Variants in UNC13C observed in about 807,000 individuals in gnomAD.
The protein encoded by UNC13C is protein unc-13 homolog C.
Under a neutral mutation model 245.4 loss-of-function variants are expected in UNC13C, and 174 were observed. That is an observed-to-expected ratio of 0.71 (90% CI 0.63 to 0.80). The LOEUF (loss-of-function observed/expected upper bound fraction) is 0.80. Among genes scored for constraint, UNC13C ranks in the 30% least tolerant of loss-of-function variants. The pLI is 0.00. For synonymous variants in UNC13C, 992 were observed against 895.1 expected (o/e 1.11, Z -1.93); for missense variants, 2,829 against 2,602.9 (o/e 1.09, Z -1.89).
chr15:54,454,797 TATTTATTC>T (rs199855917), intron 19 of UNC13C, among the ~76,000 whole-genome samples: 5,320 of 106,420 alleles, frequency 0.05, 196 homozygotes, highest in Admixed American at 0.17. Flanking sequence ...TTTTAAATTT[TATTTATTC>T]ATTCATTCAT....
intron 1 of UNC13C, among the ~76,000 whole-genome samples, chr15:54,005,952 G>A (rs1336773647): frequency 6.6e-6 from 1 of 152,166 alleles, no homozygotes; most frequent in Non-Finnish European, 1.5e-5. Flanking sequence ...AAATGGTGGA[G>A]GATATTACTT....
rs562748189 is a variant in UNC13C, at chr15:54,345,214, G to A, written c.4713+6725G>A. Among the ~76,000 whole-genome samples the A allele has an allele frequency of 3.3e-5, 5 of 152,324 alleles. No individual in the cohort carries two copies. The East Asian group carries it at 9.6e-4, about 29-fold the overall frequency. On this transcript the variant is annotated intron_variant, in intron 17 of 32. Coordinates refer to ENST00000260323, the MANE Select transcript of UNC13C (RefSeq NM_001080534.3). ...TATGACAGAGACAGAACTTAGGACA[G>A]TGCCGAGTAGGTGTTCACAAAAGCA... is the stretch of plus-strand genomic sequence containing the variant.
At chr15:53,982,094 A>T (rs1893950010) in intron 1 of UNC13C, among the ~76,000 whole-genome samples, 1 of 152,166 alleles carries the variant, frequency 6.6e-6, no homozygotes, top group Non-Finnish European at 1.5e-5. Flanking sequence ...AAGTATTTTT[A>T]AAAAGTAATC....
intron 2 of UNC13C, among the ~76,000 whole-genome samples, chr15:54,127,749 C>A (rs1567034797): frequency 8.7e-6 from 1 of 114,410 alleles, no homozygotes. Context: ...ATATATATTT[C>A]ATATATATTT....
chr15:53,937,466 A>T, the UNC13C span, among the ~76,000 whole-genome samples: 1 of 152,210 alleles, frequency 6.6e-6, no homozygotes, highest in African/African-American at 2.4e-5. Flanking sequence ...ATACTTTAGG[A>T]TTTCATACAG....
intron 4 of UNC13C, among the ~76,000 whole-genome samples, chr15:54,218,933 T>C (rs2035129022): frequency 6.6e-6 from 1 of 152,044 alleles, no homozygotes; most frequent in Non-Finnish European, 1.5e-5. Flanking sequence ...AAACCACTGC[T>C]CAATGAAATA....
chr15:54,082,390 C>T (rs1595825709), intron 2 of UNC13C, among the ~76,000 whole-genome samples: 1 of 152,138 alleles, frequency 6.6e-6, no homozygotes, highest in Non-Finnish European at 1.5e-5. Context: ...TTCTTCTTCT[C>T]TATCATAATG....
intron 11 of UNC13C, among the ~76,000 whole-genome samples, chr15:54,297,460 C>A (rs1471054943): frequency 6.6e-6 from 1 of 152,026 alleles, no homozygotes; most frequent in Admixed American, 6.6e-5. Flanking sequence ...TCAAGAGATC[C>A]TCCTGCCTCA....
At chr15:53,954,156 A>G in the UNC13C span, among the ~76,000 whole-genome samples, 1 of 152,214 alleles carries the variant, frequency 6.6e-6, no homozygotes, top group Non-Finnish European at 1.5e-5. Context: ...AATTTTACAT[A>G]CAGAATCTCA....
intron 23 of UNC13C, among the ~76,000 whole-genome samples, chr15:54,507,612 A>G (rs1894531173): frequency 6.6e-6 from 1 of 152,106 alleles, no homozygotes; most frequent in South Asian, 2.1e-4. Context: ...TAATATATGG[A>G]ACAATGCTGA....
intron 4 of UNC13C, among the ~76,000 whole-genome samples, chr15:54,198,502 G>A (rs1451837139): frequency 6.6e-6 from 1 of 152,184 alleles, no homozygotes; most frequent in African/African-American, 2.4e-5. Flanking sequence ...GGTATCAACA[G>A]CTGCAAGAGC....
chr15:54,602,174 C>T (rs913325201), intron 30 of UNC13C, among the ~76,000 whole-genome samples: 15 of 152,164 alleles, frequency 9.9e-5, no homozygotes, highest in African/African-American at 3.4e-4. Flanking sequence ...AGAAAGCAAA[C>T]CTGTAGTGGT....
chr15:54,177,411 G>C (rs1328062117), intron 4 of UNC13C, among the ~76,000 whole-genome samples: 1 of 152,060 alleles, frequency 6.6e-6, no homozygotes, highest in African/African-American at 2.4e-5. Flanking sequence ...CTCTGGAAAA[G>C]TACTACATGT....
intron 2 of UNC13C, among the ~76,000 whole-genome samples, chr15:54,041,770 T>C (rs1294212678): frequency 6.6e-6 from 1 of 152,204 alleles, no homozygotes; most frequent in African/African-American, 2.4e-5. Flanking sequence ...TAGATAAAGA[T>C]GGATATCTGG....
intron 17 of UNC13C, among the ~76,000 whole-genome samples, chr15:54,351,562 A>T (rs1049144301): frequency 6.6e-6 from 1 of 152,176 alleles, no homozygotes; most frequent in African/African-American, 2.4e-5. Context: ...AAAGAGAAGA[A>T]AATGGTAGAT....
chr15:54,011,919 T>C (rs1895397773), intron 1 of UNC13C, among the ~76,000 whole-genome samples: 1 of 152,220 alleles, frequency 6.6e-6, no homozygotes, highest in Non-Finnish European at 1.5e-5. Context: ...TGTTCTTTAA[T>C]GAATTAAGTA....
chr15:54,114,217 G>A (rs1358282982), intron 2 of UNC13C, among the ~76,000 whole-genome samples: 1 of 152,120 alleles, frequency 6.6e-6, no homozygotes, highest in African/African-American at 2.4e-5. Context: ...GATCCCAATA[G>A]CCTGCCACTG....
At chr15:54,331,327 A>T (rs1211952120) in intron 14 of UNC13C, among the ~76,000 whole-genome samples, 1 of 152,034 alleles carries the variant, frequency 6.6e-6, no homozygotes. Flanking sequence ...TAATCCACCC[A>T]ACTTTAACCA....
At chr15:54,321,169 C>T in intron 13 of UNC13C, 1 of 517,268 alleles carries the variant, frequency 1.9e-6, no homozygotes, top group Non-Finnish European at 3.8e-6. Context: ...ACAGTTGTGG[C>T]CATTCACAGT....
Sources: allele counts gnomAD v4.1 joint callset (sites outside exome capture counted in the v4.1 genomes callset), GRCh38; gene constraint gnomAD v4.1.1; transcripts MANE v1.5; gene names NCBI Gene and HGNC (gene_info 2026-07-23, HGNC 2026-07-21).